Variants in DSCAM observed in about 807,000 individuals in gnomAD.
DSCAM encodes DS cell adhesion molecule, also known as cell adhesion molecule DSCAM.
DSCAM carries 47 observed loss-of-function variants against 217.7 expected under a neutral mutation model. That is an observed-to-expected ratio of 0.22 (90% CI 0.17 to 0.28). DSCAM has a LOEUF of 0.28. Ranked by LOEUF, DSCAM falls within the 10% of genes least tolerant of loss-of-function variation. The pLI, the probability that DSCAM is intolerant of heterozygous loss-of-function variation, is 1.00. For missense variants in DSCAM, 2,080 were observed against 2,618.3 expected (o/e 0.79, Z 4.49); for synonymous variants, 1,056 against 1,015.3 (o/e 1.04, Z -0.76).
intron 32 of DSCAM, among the ~76,000 whole-genome samples, chr21:40,017,803 C>T (rs1231733671): frequency 6.6e-6 from 1 of 152,222 alleles, no homozygotes; most frequent in African/African-American, 2.4e-5. Flanking sequence ...CCACCCGCCT[C>T]AGCCTCCCAA....
intron 1 of DSCAM, among the ~76,000 whole-genome samples, chr21:40,770,800 G>T (rs1031749471): frequency 6.6e-6 from 1 of 152,214 alleles, no homozygotes; most frequent in African/African-American, 2.4e-5. Flanking sequence ...CTGGTAAGAA[G>T]AACAGAGCTT....
At chr21:40,547,330 C>A (rs2076591590) in intron 3 of DSCAM, among the ~76,000 whole-genome samples, 1 of 152,134 alleles carries the variant, frequency 6.6e-6, no homozygotes, top group African/African-American at 2.4e-5. Context: ...AAAATGGTGG[C>A]TTATAATCAA....
chr21:40,460,793 G>T (rs979910910), intron 3 of DSCAM, among the ~76,000 whole-genome samples: 6 of 152,140 alleles, frequency 3.9e-5, no homozygotes, highest in South Asian at 4.1e-4. Flanking sequence ...AAATAATAAT[G>T]CTGGGTGACA....
At chr21:40,317,526 TTTTC>T (rs971763517) in intron 8 of DSCAM, among the ~76,000 whole-genome samples, 123 of 152,208 alleles carry the variant, frequency 8.1e-4, no homozygotes, top group African/African-American at 2.8e-3. Flanking sequence ...TTTTTTTTTC[TTTTC>T]TTTCTTTTTC....
At chr21:40,704,680 C>T (rs1402808533) in intron 2 of DSCAM, among the ~76,000 whole-genome samples, 1 of 152,106 alleles carries the variant, frequency 6.6e-6, no homozygotes, top group East Asian at 1.9e-4. Flanking sequence ...CCCATCACTG[C>T]ACTCCGACCT....
At chr21:40,301,611 C>CGTCTGGT (rs1402124091) in intron 9 of DSCAM, among the ~76,000 whole-genome samples, 1 of 152,272 alleles carries the variant, frequency 6.6e-6, no homozygotes, top group African/African-American at 2.4e-5. Flanking sequence ...TTATTACGCT[C>CGTCTGGT]ATCTGGTATT....
At chr21:40,232,376 G>C (rs1321038365) in intron 11 of DSCAM, among the ~76,000 whole-genome samples, 2 of 152,132 alleles carry the variant, frequency 1.3e-5, no homozygotes, top group African/African-American at 2.4e-5. Context: ...CGGAGCATGG[G>C]GTATGATAGA....
intron 32 of DSCAM, among the ~76,000 whole-genome samples, chr21:40,022,072 A>C (rs1267737417): frequency 6.6e-6 from 1 of 152,256 alleles, no homozygotes; most frequent in Non-Finnish European, 1.5e-5. Context: ...AGCAATTCAG[A>C]AAATGGATGT....
rs1601540930 is a variant in DSCAM at position 40,312,067 on chromosome 21, G to C, written c.2062+14C>G. 1 of 1,600,158 alleles carries C rather than the reference G, an allele frequency of 6.2e-7. No individual in the cohort carries two copies. The highest frequency in any genetic ancestry group is 1.3e-5 in the African/African-American group (1 of 74,074). ...ACTCTACAGATGCCACATGGCTCAT[G>C]ATCCTTTGCTCACCTCTGACAATCA... On this transcript the variant is annotated intron_variant, in intron 9 of 32. Transcript: ENST00000400454.
At chr21:40,369,895 T>C (rs2074876838) in intron 3 of DSCAM, among the ~76,000 whole-genome samples, 2 of 152,168 alleles carry the variant, frequency 1.3e-5, no homozygotes, top group Admixed American at 6.5e-5. Context: ...TAATCACTAA[T>C]TTTTAAAGGG....
At chr21:40,536,876 G>T (rs933584617) in intron 3 of DSCAM, among the ~76,000 whole-genome samples, 1 of 152,218 alleles carries the variant, frequency 6.6e-6, no homozygotes, top group African/African-American at 2.4e-5. Flanking sequence ...TTAAAAACAA[G>T]TCCAGCCGTG....
At chr21:40,570,053 G>A (rs2076794557) in intron 3 of DSCAM, among the ~76,000 whole-genome samples, 1 of 152,156 alleles carries the variant, frequency 6.6e-6, no homozygotes, top group African/African-American at 2.4e-5. Context: ...TTCAAAGGCT[G>A]AGGGCAGTCC....
At chr21:40,385,917 A>G (rs1029788953) in intron 3 of DSCAM, among the ~76,000 whole-genome samples, 6 of 152,236 alleles carry the variant, frequency 3.9e-5, no homozygotes, top group African/African-American at 1.4e-4. Flanking sequence ...CTAGGAATAC[A>G]AGGTATCTTT....
At chr21:40,106,738 G>A (rs112682985) in intron 20 of DSCAM, among the ~76,000 whole-genome samples, 2,883 of 152,026 alleles carry the variant, frequency 0.019, 91 homozygotes, top group African/African-American at 0.065. Flanking sequence ...TTTCTTCTAG[G>A]TTTTCTAGTT....
chr21:40,816,383 A>G (rs1180792580), intron 1 of DSCAM, among the ~76,000 whole-genome samples: 5 of 152,186 alleles, frequency 3.3e-5, no homozygotes, highest in Admixed American at 3.3e-4. Context: ...GTTCGAGACC[A>G]GCCTGGCCAA....
chr21:40,586,000 G>A (rs1319171321), intron 3 of DSCAM, among the ~76,000 whole-genome samples: 1 of 152,140 alleles, frequency 6.6e-6, no homozygotes, highest in African/African-American at 2.4e-5. Context: ...GGGATTACAG[G>A]TGCCCACCAC....
intron 1 of DSCAM, among the ~76,000 whole-genome samples, chr21:40,804,555 G>A (rs996299749): frequency 2.6e-5 from 4 of 151,986 alleles, no homozygotes; most frequent in African/African-American, 7.2e-5. Flanking sequence ...TGGAGAAGAT[G>A]AGAGCCCCCA....
chr21:40,021,411 T>C lies in DSCAM; in HGVS notation c.5687-8025A>G, dbSNP rs922024147. The stretch of plus-strand genomic sequence containing the variant: ...TGTACCACCCACTTTGAACGGCCCT[T>C]GTGGAGCTTTAAAGATGTGTGCACC... On this transcript the variant is annotated intron_variant, in intron 32 of 32. Transcript: ENST00000400454. 2.0e-5 allele frequency among the ~76,000 whole-genome samples: 3 copies of C among 151,960 alleles called. No homozygotes were observed. The South Asian group carries it at 6.2e-4, about 32-fold the overall frequency.
intron 20 of DSCAM, among the ~76,000 whole-genome samples, chr21:40,113,911 G>C (rs2076049441): frequency 6.6e-6 from 1 of 151,892 alleles, no homozygotes. Context: ...CGAAATAAAA[G>C]AGGATACAAA....
Sources: allele counts gnomAD v4.1 joint callset (sites outside exome capture counted in the v4.1 genomes callset), GRCh38; gene constraint gnomAD v4.1.1; transcripts MANE v1.5; gene names NCBI Gene and HGNC (gene_info 2026-07-23, HGNC 2026-07-21).